Variants in BRD4 observed in about 807,000 individuals in gnomAD.
BRD4 encodes the protein bromodomain containing 4.
BRD4 carries 16 observed loss-of-function variants against 142.1 expected under a neutral mutation model. That is an observed-to-expected ratio of 0.11 (90% CI 0.08 to 0.17). The LOEUF is 0.17. Among genes scored for constraint, BRD4 ranks in the 10% least tolerant of loss-of-function variants. The pLI, the probability that BRD4 is intolerant of heterozygous loss-of-function variation, is 1.00. For missense variants in BRD4, 1,424 were observed against 1,810.9 expected, an observed-to-expected ratio of 0.79 and a Z score of 3.88; for synonymous variants, 833 against 707.5, an observed-to-expected ratio of 1.18 and a Z score of -2.82.
At chr19:15,328,070 A>T (rs2048125144) in intron 1 of BRD4, among the ~76,000 whole-genome samples, 1 of 152,182 alleles carries the variant, frequency 6.6e-6, no homozygotes, top group South Asian at 2.1e-4. Context: ...GGATTTTACA[A>T]TAATAGTATG....
chr19:15,270,568 CA>C (rs769976480), intron 2 of BRD4, among the ~76,000 whole-genome samples: 9 of 152,154 alleles, frequency 5.9e-5, no homozygotes, highest in Non-Finnish European at 1.3e-4. Flanking sequence ...TCACATGTCT[CA>C]ATGGCCAACA....
At chr19:15,253,649 G>A (rs780907819) in intron 11 of BRD4, 28 of 1,597,562 alleles carry the variant, frequency 1.8e-5, no homozygotes, top group African/African-American at 5.3e-5. Context: ...GCAGACTGGC[G>A]ATGCGGCTGG....
chr19:15,315,851 A>G (rs887747856), intron 1 of BRD4, among the ~76,000 whole-genome samples: 1 of 149,986 alleles, frequency 6.7e-6, no homozygotes, highest in African/African-American at 2.5e-5. Flanking sequence ...GTCTCAAAAA[A>G]AAGCACCTCA....
intron 11 of BRD4, among the ~76,000 whole-genome samples, chr19:15,245,538 A>G (rs2047278245): frequency 1.3e-5 from 2 of 152,124 alleles, no homozygotes; most frequent in East Asian, 3.9e-4. Flanking sequence ...TTGGCACCAC[A>G]GTAGGGTGGA....
intron 2 of BRD4, among the ~76,000 whole-genome samples, chr19:15,270,354 G>A (rs1319768620): frequency 6.6e-6 from 1 of 152,182 alleles, no homozygotes. Flanking sequence ...ACAGCTCATG[G>A]AACTGCCCTG....
At chr19:15,317,526 G>A (rs549083688) in intron 1 of BRD4, among the ~76,000 whole-genome samples, 2 of 152,232 alleles carry the variant, frequency 1.3e-5, no homozygotes, top group East Asian at 3.9e-4. Context: ...CTATTCATAG[G>A]CAGCTATTTG....
At chr19:15,312,252 G>C (rs571694599) in intron 1 of BRD4, among the ~76,000 whole-genome samples, 3 of 152,254 alleles carry the variant, frequency 2.0e-5, no homozygotes, top group Non-Finnish European at 4.4e-5. Context: ...AATCCCTGCA[G>C]TTTGAGCGGC....
intron 1 of BRD4, among the ~76,000 whole-genome samples, chr19:15,316,365 G>A (rs2048018198): frequency 6.6e-6 from 1 of 151,916 alleles, no homozygotes; most frequent in Non-Finnish European, 1.5e-5. Context: ...CCGGAGCGGT[G>A]GATCACCTGA....
intron 1 of BRD4, among the ~76,000 whole-genome samples, chr19:15,304,192 T>C (rs2047894577): frequency 6.6e-6 from 1 of 152,150 alleles, no homozygotes; most frequent in African/African-American, 2.4e-5. Flanking sequence ...GGTGGTGACA[T>C]AAATGCTGAC....
chr19:15,297,880 C>A (rs528443159), intron 1 of BRD4, among the ~76,000 whole-genome samples: 1 of 152,318 alleles, frequency 6.6e-6, no homozygotes, highest in South Asian at 2.1e-4. Flanking sequence ...AGGTGCAGCA[C>A]GGTGAAAGAG....
chr19:15,239,629 GCC>G lies in BRD4; in HGVS notation c.3445+28_3445+29del. 6.4e-7 allele frequency: 1 copy of G among 1,562,036 alleles called. No individual in the cohort carries two copies. The highest frequency in any genetic ancestry group is 8.6e-7 in the Non-Finnish European group (1 of 1,163,126). ...CCAACACGGGCCTCGGGGGGCCTGA[GCC>G]CTGGCTGTGGGCAGGGAGAGCACTC... On this transcript the variant is annotated intron_variant, in intron 16 of 19. Coordinates refer to ENST00000679869, the MANE Select transcript of BRD4 (RefSeq NM_001379291.1). The surrounding 1 kb of genome is among the most constrained non-coding windows in gnomAD (Gnocchi z 7.4).
chr19:15,328,716 G>C (rs1303532927), intron 1 of BRD4, among the ~76,000 whole-genome samples: 1 of 152,214 alleles, frequency 6.6e-6, no homozygotes, highest in Non-Finnish European at 1.5e-5. Context: ...AGATACAACA[G>C]AATAAAACAG....
chr19:15,319,079 T>A (rs750103585), intron 1 of BRD4, among the ~76,000 whole-genome samples: 2 of 152,136 alleles, frequency 1.3e-5, no homozygotes, highest in Non-Finnish European at 2.9e-5. Context: ...ACCTGTGTAA[T>A]CCCAGCAGTC....
chr19:15,259,018 TG>T (rs772543265), intron 7 of BRD4, among the ~76,000 whole-genome samples: 1 of 151,662 alleles, frequency 6.6e-6, no homozygotes, highest in Non-Finnish European at 1.5e-5. Flanking sequence ...GAGGAAAAGG[TG>T]GGGGGCTTCA....
At chr19:15,255,987 G>A in intron 9 of BRD4, 77 bp downstream of exon 9, 3 of 1,566,940 alleles carry the variant, frequency 1.9e-6, no homozygotes, top group South Asian at 1.2e-5. Context: ...GGACAGGGAG[G>A]GGCAGTGGCC....
At chr19:15,271,416 G>A (rs546329266) in intron 2 of BRD4, among the ~76,000 whole-genome samples, 83 of 152,242 alleles carry the variant, frequency 5.5e-4, no homozygotes, top group Admixed American at 3.5e-3. Flanking sequence ...GGATGATCAG[G>A]TCGGAATCCT....
At chr19:15,296,614 C>T (rs2047825094) in intron 1 of BRD4, among the ~76,000 whole-genome samples, 1 of 152,110 alleles carries the variant, frequency 6.6e-6, no homozygotes, top group Non-Finnish European at 1.5e-5. Flanking sequence ...AAACTATGGC[C>T]GCTGAAGTGG....
In BRD4 at chr19:15,256,393, G is replaced by A. The variant is rs929363414; in HGVS notation, c.1552-130C>T. The A allele has an allele frequency of 1.2e-5, 14 of 1,149,032 alleles. No homozygotes were observed. In the African/African-American group the frequency reaches 1.9e-4, roughly 15 times the overall value. The allele number at this position is 1,149,032 out of a possible 1,614,324, so 71.2% of individuals were successfully genotyped here. On this transcript the variant is annotated intron_variant, in intron 8 of 19. Transcript: ENST00000679869. ...GGCATCAGGGTGTGGGCATAGGGGA[G>A]GCAGGGGAAGGGAAGGCCCCCAGCT...
chr19:15,322,848 TAG>T (rs1003835076), intron 1 of BRD4, among the ~76,000 whole-genome samples: 1 of 103,068 alleles, frequency 9.7e-6, no homozygotes, highest in Admixed American at 1.3e-4. Flanking sequence ...GCCTGGGAGA[TAG>T]AGAGAGACTC....
Sources: allele counts gnomAD v4.1 joint callset (sites outside exome capture counted in the v4.1 genomes callset), GRCh38; gene constraint gnomAD v4.1.1; non-coding constraint Gnocchi (gnomAD v3.1); transcripts MANE v1.5; gene names NCBI Gene and HGNC (gene_info 2026-07-23, HGNC 2026-07-21).